DMD: variants seen among roughly 807,000 people sequenced by gnomAD.
The protein encoded by DMD is dystrophin.
In DMD, 63 loss-of-function variants were observed where a neutral mutation model predicts 330.1. That is an observed-to-expected ratio of 0.19 (90% CI 0.16 to 0.24). DMD has a LOEUF of 0.24. DMD is among the 10% of genes least tolerant of loss of function. The pLI is 1.00. For missense variants in DMD, 3,344 were observed against 2,684.1 expected, an observed-to-expected ratio of 1.25 and a Z score of -5.43; for synonymous variants, 1,223 against 959.8, an observed-to-expected ratio of 1.27 and a Z score of -5.07.
Position 31,255,447 on chromosome X carries a change from T to C in DMD, c.9286+5508A>G, listed in dbSNP as rs372104981. Among the ~76,000 whole-genome samples the C allele has an allele frequency of 3.6e-5, 4 of 111,381 alleles. No homozygotes were observed. The East Asian group carries it at 1.1e-3, about 31-fold the overall frequency. On this transcript the variant is annotated intron_variant, in intron 63 of 78. Transcript: ENST00000357033. ...TACTTCTAGGGAGTGACGAAGAATG[T>C]ACCCTCTCAATAACAAATGAATGAC...
At chrX:32,291,540 G>A (rs746419060) in intron 42 of DMD, among the ~76,000 whole-genome samples, 1 of 111,692 alleles carries the variant, frequency 9.0e-6, no homozygotes, top group East Asian at 2.8e-4. Context: ...GGAAGTTTAG[G>A]AAAACAGCTC....
In DMD at chrX:31,803,664, C is replaced by T. The variant is rs567337436; in HGVS notation, c.7309+16311G>A. 3.8e-5 allele frequency among the ~76,000 whole-genome samples: 3 copies of T among 78,069 alleles called. No homozygotes were observed. The South Asian group carries it at 2.8e-3, about 73-fold the overall frequency. 67.8% of individuals were successfully genotyped at this position (78,069 alleles called of 115,157 possible). A position where few individuals can be genotyped will look rare whatever the true frequency, so the allele number is the denominator to read the frequency against. On this transcript the variant is annotated intron_variant, in intron 50 of 78. Coordinates refer to ENST00000357033, the MANE Select transcript of DMD (RefSeq NM_004006.3). ...CCTTCCTTTCTTTGTCTTCCTCTCT[C>T]TCTTTCTCTGTTTCTCTCTCTCTCT...
At chrX:31,285,875 CTGAT>C (rs1030916083) in intron 62 of DMD, among the ~76,000 whole-genome samples, 4 of 111,476 alleles carry the variant, frequency 3.6e-5, no homozygotes, top group Non-Finnish European at 7.5e-5. Flanking sequence ...TATTCAGAAG[CTGAT>C]TGATTATGTA....
At chrX:32,579,505 G>C (rs2053423283) in intron 13 of DMD, among the ~76,000 whole-genome samples, 1 of 112,030 alleles carries the variant, frequency 8.9e-6, no homozygotes, top group Non-Finnish European at 1.9e-5. Context: ...TCATTCAGTA[G>C]GGCATTCATT....
intron 30 of DMD, among the ~76,000 whole-genome samples, chrX:32,396,826 T>G (rs1268701706): frequency 8.9e-6 from 1 of 111,897 alleles, no homozygotes; most frequent in Non-Finnish European, 1.9e-5. Flanking sequence ...AATTTACATT[T>G]AAATTGTAAT....
At chrX:32,858,039 G>A (rs965133622) in intron 2 of DMD, among the ~76,000 whole-genome samples, 1 of 110,222 alleles carries the variant, frequency 9.1e-6, no homozygotes, top group Non-Finnish European at 1.9e-5. Context: ...TCCTGCTATC[G>A]TATTATTTTC....
intron 17 of DMD, among the ~76,000 whole-genome samples, chrX:32,525,636 T>A (rs980391977): frequency 1.3e-4 from 15 of 111,587 alleles, no homozygotes; most frequent in African/African-American, 4.9e-4. Context: ...GTAGTTTTCA[T>A]GTATTTCACT....
rs141718951 is a variant in DMD at position 32,785,287 on chromosome X, T to C, written c.649+24206A>G. Among the ~76,000 whole-genome samples, 216 of 111,085 alleles carry C rather than the reference T, an allele frequency of 1.9e-3. 2 individuals carry two copies. In the East Asian group the frequency reaches 0.05, roughly 26 times the overall value. On this transcript the variant is annotated intron_variant, in intron 7 of 78. Transcript: ENST00000357033. ...AGCTAAAACAATAGTGCTCATAATA[T>C]TAATGTATTTGGCTTGTGTAAGTAA...
chrX:31,287,040 T>A (rs1198796552), intron 62 of DMD, among the ~76,000 whole-genome samples: 1 of 112,672 alleles, frequency 8.9e-6, no homozygotes, highest in Non-Finnish European at 1.9e-5. Flanking sequence ...CTGTTGGGAT[T>A]ACAGGCTTAA....
chrX:31,783,069 G>T (rs1251725556), intron 50 of DMD, among the ~76,000 whole-genome samples: 2 of 111,312 alleles, frequency 1.8e-5, no homozygotes, highest in Non-Finnish European at 3.8e-5. Context: ...ATTGATGAAG[G>T]GTGGTCATCA....
intron 1 of DMD, among the ~76,000 whole-genome samples, chrX:33,029,649 C>T (rs1220058624): frequency 8.9e-6 from 1 of 112,068 alleles, no homozygotes; most frequent in Non-Finnish European, 1.9e-5. Flanking sequence ...TGGTGAGAAC[C>T]TAACATAATC....
intron 7 of DMD, among the ~76,000 whole-genome samples, chrX:32,752,450 G>C (rs2070948299): frequency 9.1e-6 from 1 of 109,306 alleles, no homozygotes. Flanking sequence ...ATTTGGAAGG[G>C]CTATATTTAC....
intron 11 of DMD, among the ~76,000 whole-genome samples, chrX:32,618,841 A>C (rs934065258): frequency 1.4e-4 from 16 of 111,515 alleles, no homozygotes; most frequent in African/African-American, 4.9e-4. Context: ...AAAAAAAAGA[A>C]AACCTTTACA....
intron 48 of DMD, among the ~76,000 whole-genome samples, chrX:31,859,560 A>G (rs2093666548): frequency 8.9e-6 from 1 of 112,292 alleles, no homozygotes; most frequent in Non-Finnish European, 1.9e-5. Flanking sequence ...ATTAAATTTT[A>G]AGAAGCATGG....
At chrX:33,036,851 G>A (rs957951198) in intron 1 of DMD, among the ~76,000 whole-genome samples, 7 of 109,889 alleles carry the variant, frequency 6.4e-5, no homozygotes, top group Non-Finnish European at 1.1e-4. Flanking sequence ...ACATACATAC[G>A]TATGTATTTA....
chrX:32,438,346 C>A lies in DMD; in HGVS notation c.3966G>T (p.Gln1322His), dbSNP rs1569562455. Residue 1322 changes from glutamine to histidine, a missense_variant, in exon 29 of 79, where the codon CAG becomes CAT. Physicochemically the swap from Gln to His is conservative, Grantham distance 24. Transcript: ENST00000357033. ...TTAGGGTCTGTGCCAATATGCGAAT[C>A]TGATTTGGGTTATCCTCTGAATGTC... The part of the protein sequence containing the change: ...LMRHSEDNPN[Q>H]IRILAQTLTD... 4 of 1,211,595 alleles carry A rather than the reference C, an allele frequency of 3.3e-6. No homozygotes were observed. Among genetic ancestry groups the A allele is most frequent in the Non-Finnish European group, 4.5e-6 (4 of 895,370 alleles).
At chrX:31,508,363 T>G in intron 55 of DMD, 1 of 818,984 alleles carries the variant, frequency 1.2e-6, no homozygotes, top group Non-Finnish European at 1.7e-6. Context: ...AGAATGAATT[T>G]TGGAGCACAG....
At chrX:32,523,817 A>G (rs1197439636) in intron 17 of DMD, among the ~76,000 whole-genome samples, 1 of 111,935 alleles carries the variant, frequency 8.9e-6, no homozygotes, top group Non-Finnish European at 1.9e-5. Flanking sequence ...TTCTGCTCCT[A>G]TAACATGCAT....
At chrX:31,727,698 G>C (rs2086166277) in intron 52 of DMD, among the ~76,000 whole-genome samples, 1 of 111,915 alleles carries the variant, frequency 8.9e-6, no homozygotes, top group Non-Finnish European at 1.9e-5. Context: ...TCCAAGATTT[G>C]GGAGATTACC....
Sources: gnomAD v4.1 joint callset for allele counts (sites outside exome capture counted in the v4.1 genomes callset) on GRCh38, gnomAD v4.1.1 for gene constraint, MANE v1.5 for transcripts, NCBI Gene and HGNC (gene_info 2026-07-23, HGNC 2026-07-21) for gene names.